Variants in COG7 observed in about 807,000 individuals in gnomAD.
COG7 encodes component of oligomeric golgi complex 7.
Under a neutral mutation model 91.5 loss-of-function variants are expected in COG7, and 49 were observed. The ratio of observed to expected loss-of-function variants is 0.54; its 90% CI spans 0.43 to 0.68. The LOEUF (loss-of-function observed/expected upper bound fraction) is 0.68. COG7 is among the 30% of genes least tolerant of loss of function. COG7 has a pLI of 0.00. For missense variants in COG7, 895 were observed against 961.3 expected (o/e 0.93, Z 0.91); for synonymous variants, 365 against 388.7 (o/e 0.94, Z 0.72).
At chr16:23,421,654 A>G (rs964148175) in intron 7 of COG7, among the ~76,000 whole-genome samples, 3 of 151,956 alleles carry the variant, frequency 2.0e-5, no homozygotes, top group South Asian at 2.1e-4. Flanking sequence ...GGAGAAAAAA[A>G]GAATCTAGTG....
chr16:23,436,622 C>G (rs1964017757), intron 4 of COG7, among the ~76,000 whole-genome samples: 1 of 152,068 alleles, frequency 6.6e-6, no homozygotes, highest in Admixed American at 6.6e-5. Context: ...GTAATCCCAG[C>G]TACTCCAGAA....
At chr16:23,437,037 C>T (rs1964023779) in intron 4 of COG7, among the ~76,000 whole-genome samples, 1 of 152,098 alleles carries the variant, frequency 6.6e-6, no homozygotes, top group Non-Finnish European at 1.5e-5. Flanking sequence ...GACTGGGGGC[C>T]AAGGGGGCTT....
chr16:23,389,960 C>T (rs1963163260), intron 16 of COG7: 1 of 152,216 alleles, frequency 6.6e-6, no homozygotes, highest in Non-Finnish European at 1.5e-5. Flanking sequence ...TCTCTGCTTC[C>T]ATCTGTCCAC....
chr16:23,436,213 T>C (rs574558770), intron 4 of COG7, among the ~76,000 whole-genome samples: 1 of 152,282 alleles, frequency 6.6e-6, no homozygotes, highest in East Asian at 1.9e-4. Context: ...CAGAGCAAGA[T>C]TCTAGCTCAA....
At chr16:23,414,553 TAGG>T (rs1963622079) in intron 9 of COG7, 1 of 152,384 alleles carries the variant, frequency 6.6e-6, no homozygotes, top group East Asian at 1.9e-4. Flanking sequence ...GGCTTGAGCC[TAGG>T]AGGTCAAGGC....
intron 4 of COG7, among the ~76,000 whole-genome samples, chr16:23,440,183 G>A (rs755507171): frequency 6.6e-5 from 10 of 151,752 alleles, no homozygotes; most frequent in Non-Finnish European, 1.3e-4. Context: ...GAGGTCAGGA[G>A]TTCAAGACCA....
intron 6 of COG7, 92 bp from the exon 7 acceptor site, chr16:23,425,039 G>T: frequency 9.4e-7 from 1 of 1,066,490 alleles, no homozygotes. Context: ...GCCAGGCACG[G>T]TGGCTTATGC....
At chr16:23,430,411 AG>A (rs1963915676) in intron 6 of COG7, among the ~76,000 whole-genome samples, 1 of 151,720 alleles carries the variant, frequency 6.6e-6, no homozygotes, top group Non-Finnish European at 1.5e-5. Context: ...TGGGGAAAAC[AG>A]GGCAAGACCC....
intron 7 of COG7, among the ~76,000 whole-genome samples, chr16:23,419,902 C>T (rs368726080): frequency 4.6e-5 from 7 of 151,834 alleles, no homozygotes; most frequent in East Asian, 1.9e-4. Context: ...TTTGGGAGGC[C>T]GAGGTGAGCG....
At chr16:23,445,216 T>A (rs1964162549) in intron 2 of COG7, 52 bp from the exon 3 acceptor site, 4 of 1,251,582 alleles carry the variant, frequency 3.2e-6, no homozygotes, top group South Asian at 1.2e-5. Flanking sequence ...TTTTTCTCCA[T>A]CTGCCACCAG....
At chr16:23,398,204 A>C in intron 13 of COG7, 75 bp from the exon 14 acceptor site, 1 of 1,203,672 alleles carries the variant, frequency 8.3e-7, no homozygotes, top group South Asian at 1.2e-5. Flanking sequence ...AGAAATACAC[A>C]AGAAGAACAT....
chr16:23,415,167 G>A (rs539260301), intron 9 of COG7: 1 of 152,222 alleles, frequency 6.6e-6, no homozygotes, highest in African/African-American at 2.4e-5. Flanking sequence ...GCTTTCTAGG[G>A]TTATAAGTCC....
chr16:23,424,306 A>G (rs907638255), intron 7 of COG7, among the ~76,000 whole-genome samples: 2 of 151,654 alleles, frequency 1.3e-5, no homozygotes, highest in Non-Finnish European at 2.9e-5. Flanking sequence ...TCAAAAAAAA[A>G]AAAAAAAAAA....
At chr16:23,433,489 C>A in intron 6 of COG7, 56 bp downstream of exon 6, 1 of 1,611,872 alleles carries the variant, frequency 6.2e-7, no homozygotes, top group South Asian at 1.1e-5. Context: ...GAGGCAGTCA[C>A]CCGTTCCCTT....
chr16:23,388,844 G>T lies in COG7; in HGVS notation c.*76C>A. ...TAACTTCTGCCCAATCTTGGGCAGA[G>T]TTTCTGAGCAAATCTGTGCTGGTGA... On this transcript the variant is annotated 3_prime_UTR_variant, in exon 17 of 17. Coordinates refer to ENST00000307149, the MANE Select transcript of COG7 (RefSeq NM_153603.4). 1 of 1,608,142 alleles carries T rather than the reference G, an allele frequency of 6.2e-7. No homozygotes were observed. Among genetic ancestry groups the T allele is most frequent in the Non-Finnish European group, 8.5e-7 (1 of 1,178,012 alleles).
chr16:23,411,874 C>T (rs11866263), intron 10 of COG7, among the ~76,000 whole-genome samples: 3,687 of 151,624 alleles, frequency 0.024, 87 homozygotes, highest in African/African-American at 0.062. Flanking sequence ...AAAGAAACTT[C>T]CAGATTGCTT....
chr16:23,437,848 A>G (rs2142090604), intron 4 of COG7, among the ~76,000 whole-genome samples: 1 of 152,314 alleles, frequency 6.6e-6, no homozygotes, highest in African/African-American at 2.4e-5. Flanking sequence ...GCACCTGGGG[A>G]GGCTGAGGCG....
chr16:23,389,221 G>A (rs993901876), intron 16 of COG7, 135 bp from the exon 17 acceptor site: 11 of 982,412 alleles, frequency 1.1e-5, no homozygotes, highest in Non-Finnish European at 1.5e-5. Context: ...CGCCAACCCT[G>A]CCCTCAATAG....
Position 23,393,351 on chromosome 16 carries a change from A to C in COG7, c.1888-4T>G. On this transcript the variant is annotated splice_region_variant and splice_polypyrimidine_tract_variant and intron_variant, in intron 14 of 16. Transcript: ENST00000307149. ...GGGACATGATGTACTGCCCGATCTG[A>C]AACAAAAGAAAGCGCTGTTAGCCTG... The C allele has an allele frequency of 6.2e-7, 1 of 1,606,462 alleles. No individual in the cohort carries two copies. The highest frequency in any genetic ancestry group is 1.1e-5 in the South Asian group (1 of 90,898).
Sources: gnomAD v4.1 joint callset for allele counts (sites outside exome capture counted in the v4.1 genomes callset) on GRCh38, gnomAD v4.1.1 for gene constraint, MANE v1.5 for transcripts, NCBI Gene and HGNC (gene_info 2026-07-23, HGNC 2026-07-21) for gene names.